C1orf185: variants seen among roughly 807,000 people sequenced by gnomAD.
The protein encoded by C1orf185 is chromosome 1 open reading frame 185.
A neutral mutation model predicts 16.1 loss-of-function variants in C1orf185; 13 were observed. The observed-to-expected ratio is 0.81, with a 90% CI of 0.53 to 1.28. The LOEUF (loss-of-function observed/expected upper bound fraction) is 1.28, where lower values mean the gene tolerates loss of function less well. Ranked by LOEUF, C1orf185 falls within the 50% of genes most tolerant of loss-of-function variation. The pLI is 0.00. For missense variants in C1orf185, 220 were observed against 225.2 expected, an observed-to-expected ratio of 0.98 and a Z score of 0.15; for synonymous variants, 80 against 76.9, an observed-to-expected ratio of 1.04 and a Z score of -0.21.
intron 3 of C1orf185, among the ~76,000 whole-genome samples, chr1:51,143,813 C>G (rs932136697): frequency 6.6e-6 from 1 of 152,182 alleles, no homozygotes; most frequent in Non-Finnish European, 1.5e-5. Flanking sequence ...CAGGCATGCG[C>G]CATCATGCCC....
chr1:51,109,892 C>A (rs768445799), intron 1 of C1orf185, among the ~76,000 whole-genome samples: 2 of 152,032 alleles, frequency 1.3e-5, no homozygotes, highest in African/African-American at 2.4e-5. Context: ...TGGTTTCATA[C>A]ACATTTTAGA....
chr1:51,149,287 C>A (rs1646419045), downstream of C1orf185, among the ~76,000 whole-genome samples: 1 of 152,150 alleles, frequency 6.6e-6, no homozygotes, highest in East Asian at 1.9e-4. Flanking sequence ...ATACCTCCTA[C>A]AATAAATGCA....
intron 1 of C1orf185, among the ~76,000 whole-genome samples, chr1:51,106,758 T>C (rs12760027): frequency 1.4e-5 from 2 of 145,024 alleles, no homozygotes; most frequent in Admixed American, 6.7e-5. Context: ...TTCAGATCTG[T>C]AATTTTTTTT....
chr1:51,134,860 C>G (rs575614340), intron 3 of C1orf185, among the ~76,000 whole-genome samples: 1 of 152,110 alleles, frequency 6.6e-6, no homozygotes, highest in Non-Finnish European at 1.5e-5. Context: ...TGGTAAATAG[C>G]CTATCAACCA....
downstream of C1orf185, among the ~76,000 whole-genome samples, chr1:51,148,721 G>A (rs1026202560): frequency 3.3e-5 from 5 of 152,122 alleles, no homozygotes; most frequent in Non-Finnish European, 7.3e-5. Context: ...GAGCCCAGGA[G>A]TTTGAGACCA....
chr1:51,125,042 A>C (rs1227863280), intron 3 of C1orf185, among the ~76,000 whole-genome samples: 1 of 151,974 alleles, frequency 6.6e-6, no homozygotes, highest in East Asian at 1.9e-4. Flanking sequence ...TTGGAGGAGT[A>C]AAAATCTCTG....
chr1:51,127,672 C>T (rs889816983), intron 3 of C1orf185, among the ~76,000 whole-genome samples: 1 of 152,062 alleles, frequency 6.6e-6, no homozygotes, highest in Admixed American at 6.5e-5. Context: ...TGATTACTCT[C>T]ACTTAATAAA....
chr1:51,116,722 C>G (rs942412159), intron 2 of C1orf185, among the ~76,000 whole-genome samples: 20 of 152,104 alleles, frequency 1.3e-4, no homozygotes, highest in Admixed American at 2.6e-4. Context: ...CACACATATT[C>G]CCCAATCTCA....
chr1:51,143,377 G>A (rs1270375040), intron 3 of C1orf185, among the ~76,000 whole-genome samples: 1 of 152,086 alleles, frequency 6.6e-6, no homozygotes, highest in Non-Finnish European at 1.5e-5. Context: ...TCCCTTCTCT[G>A]TTATTTTATT....
At chr1:51,132,459 A>G (rs574104130) in intron 3 of C1orf185, among the ~76,000 whole-genome samples, 26 of 152,332 alleles carry the variant, frequency 1.7e-4, no homozygotes, top group African/African-American at 5.5e-4. Context: ...ACAAGTATTA[A>G]TAGCAGAATA....
chr1:51,135,030 G>T (rs1646313012), intron 3 of C1orf185, among the ~76,000 whole-genome samples: 1 of 152,020 alleles, frequency 6.6e-6, no homozygotes, highest in Non-Finnish European at 1.5e-5. Flanking sequence ...CCAAAACCTG[G>T]CAGAGACACA....
At chr1:51,125,361 A>ATATG (rs1646232699) in intron 3 of C1orf185, among the ~76,000 whole-genome samples, 1 of 152,220 alleles carries the variant, frequency 6.6e-6, no homozygotes, top group Non-Finnish European at 1.5e-5. Context: ...AACAGGCTTA[A>ATATG]TCCTGGACAT....
intron 1 of C1orf185, among the ~76,000 whole-genome samples, chr1:51,111,819 C>T (rs1164577807): frequency 3.3e-5 from 5 of 152,130 alleles, no homozygotes; most frequent in Admixed American, 2.6e-4. Context: ...GGCGCCCTGC[C>T]CCTGGTTAAT....
At chr1:51,142,391 A>G (rs1646370607) in intron 3 of C1orf185, among the ~76,000 whole-genome samples, 1 of 152,190 alleles carries the variant, frequency 6.6e-6, no homozygotes, top group Non-Finnish European at 1.5e-5. Flanking sequence ...GCTTTTCCTC[A>G]TGATCACATT....
intron 3 of C1orf185, among the ~76,000 whole-genome samples, chr1:51,132,105 A>C (rs2148024951): frequency 6.6e-6 from 1 of 152,348 alleles, no homozygotes; most frequent in African/African-American, 2.4e-5. Context: ...AAAAGAAAAC[A>C]TCCAAAGGTC....
At chr1:51,151,395 T>C (rs926721381), downstream of C1orf185, among the ~76,000 whole-genome samples, 3 of 152,140 alleles carry the variant, frequency 2.0e-5, no homozygotes, top group African/African-American at 7.2e-5. Flanking sequence ...AGGAGAGAAA[T>C]TGGAGAATCA....
intron 3 of C1orf185, among the ~76,000 whole-genome samples, chr1:51,134,769 T>G (rs1297513902): frequency 6.6e-6 from 1 of 152,190 alleles, no homozygotes; most frequent in African/African-American, 2.4e-5. Flanking sequence ...GATAAATTCC[T>G]GGACACATAC....
At chr1:51,103,056 G>C (rs1646042852) in intron 1 of C1orf185, among the ~76,000 whole-genome samples, 1 of 152,024 alleles carries the variant, frequency 6.6e-6, no homozygotes, top group Non-Finnish European at 1.5e-5. Context: ...TTAATGTAGA[G>C]ATTAATTGCA....
intron 2 of C1orf185, among the ~76,000 whole-genome samples, chr1:51,115,102 T>G (rs1557644502): frequency 6.6e-6 from 1 of 152,174 alleles, no homozygotes; most frequent in Non-Finnish European, 1.5e-5. Flanking sequence ...CCCAACACTT[T>G]GGGAGGCTGA....
Sources: allele counts gnomAD v4.1 joint callset (sites outside exome capture counted in the v4.1 genomes callset), GRCh38; gene constraint gnomAD v4.1.1; transcripts MANE v1.5; gene names NCBI Gene and HGNC (gene_info 2026-07-23, HGNC 2026-07-21).